The following RFX8 variants were observed in gnomAD, a reference collection of about 807,000 sequenced individuals.
RFX8 encodes DNA-binding protein RFX8.
In RFX8, 46 loss-of-function variants were observed where a neutral mutation model predicts 54.6. The observed-to-expected ratio is 0.84, with a 90% CI of 0.67 to 1.08. RFX8 has a LOEUF of 1.08. Among genes scored for constraint, RFX8 ranks in the 50% least tolerant of loss-of-function variants. The probability of loss-of-function intolerance (pLI) is 0.00; values close to 1 mark genes in which losing one functional copy is unlikely to be tolerated. For synonymous variants in RFX8, 192 were observed against 209.5 expected (o/e 0.92, Z 0.72); for missense variants, 536 against 562.3 (o/e 0.95, Z 0.47).
intron 1 of RFX8, among the ~76,000 whole-genome samples, chr2:101,468,497 C>T (rs1012656948): frequency 2.0e-5 from 3 of 152,048 alleles, no homozygotes; most frequent in East Asian, 1.9e-4. Flanking sequence ...GCCATGTTGG[C>T]CAGGCTGGTC....
At chr2:101,438,169 T>C (rs748666618) in intron 2 of RFX8, among the ~76,000 whole-genome samples, 28 of 151,602 alleles carry the variant, frequency 1.8e-4, no homozygotes, top group Non-Finnish European at 2.6e-4. Context: ...ACTTCAAGCA[T>C]TTATCATTTG....
intron 2 of RFX8, among the ~76,000 whole-genome samples, chr2:101,430,011 G>A (rs1411954170): frequency 6.6e-6 from 1 of 152,214 alleles, no homozygotes; most frequent in Non-Finnish European, 1.5e-5. Context: ...AAACTGGGCA[G>A]AATGCTTGAT....
At chr2:101,402,335 T>A (rs1243550509) in intron 11 of RFX8, 101 bp downstream of exon 11, 1 of 1,051,916 alleles carries the variant, frequency 9.5e-7, no homozygotes, top group African/African-American at 1.6e-5. Context: ...TAGAATCGTT[T>A]ATCATTGTTT....
chr2:101,469,052 A>C (rs1689769996), intron 1 of RFX8, among the ~76,000 whole-genome samples: 1 of 32,204 alleles, frequency 3.1e-5, no homozygotes, highest in Non-Finnish European at 6.6e-5. Flanking sequence ...GTATATATAT[A>C]TACGTATATA....
At chr2:101,407,827 CCA>C (rs1573357086) in intron 9 of RFX8, among the ~76,000 whole-genome samples, 1 of 152,332 alleles carries the variant, frequency 6.6e-6, no homozygotes, top group East Asian at 1.9e-4. Flanking sequence ...CCCGTCACGT[CCA>C]CAGTGTGGCA....
At chr2:101,448,920 A>G (rs1396368200) in intron 2 of RFX8, among the ~76,000 whole-genome samples, 1 of 152,204 alleles carries the variant, frequency 6.6e-6, no homozygotes, top group Non-Finnish European at 1.5e-5. Flanking sequence ...TGCTGGTTGT[A>G]TGGATGGACA....
chr2:101,455,125 C>T (rs7584240), intron 2 of RFX8, among the ~76,000 whole-genome samples: 52,078 of 151,390 alleles, frequency 0.34, 9,618 homozygotes, highest in African/African-American at 0.44. Flanking sequence ...ATTCTGCTGC[C>T]TCAGCTTCCT....
intron 10 of RFX8, 150 bp downstream of exon 10, chr2:101,405,793 G>A: frequency 2.2e-6 from 1 of 462,218 alleles, no homozygotes; most frequent in Non-Finnish European, 3.8e-6. Flanking sequence ...TTACTATCGT[G>A]TTGTATGGTT....
intron 2 of RFX8, chr2:101,450,590 T>G: frequency 7.0e-7 from 1 of 1,435,924 alleles, no homozygotes; most frequent in Non-Finnish European, 9.5e-7. Context: ...TGATAGCTAC[T>G]AACCTGTGAT....
At chr2:101,462,679 TATTATTAATATCC>T (rs1689345332) in intron 2 of RFX8, among the ~76,000 whole-genome samples, 1 of 119,760 alleles carries the variant, frequency 8.4e-6, no homozygotes, top group Non-Finnish European at 1.9e-5. Flanking sequence ...TTAATATTAC[TATTATTAATATCC>T]TCACTTTATA....
chr2:101,448,419 G>C (rs1481074158), intron 2 of RFX8, among the ~76,000 whole-genome samples: 3 of 152,054 alleles, frequency 2.0e-5, no homozygotes, highest in Non-Finnish European at 4.4e-5. Flanking sequence ...CCTAAGCCTG[G>C]ATGTCCTCTG....
chr2:101,440,577 G>C (rs1688043466), intron 2 of RFX8, among the ~76,000 whole-genome samples: 1 of 152,192 alleles, frequency 6.6e-6, no homozygotes, highest in Non-Finnish European at 1.5e-5. Context: ...TCCCTCATGG[G>C]GGAGGGGAGA....
intron 2 of RFX8, among the ~76,000 whole-genome samples, chr2:101,440,398 T>G (rs1688030196): frequency 6.6e-6 from 1 of 152,222 alleles, no homozygotes; most frequent in South Asian, 2.1e-4. Context: ...GAACACCTGC[T>G]TTCCTTTTAG....
chr2:101,435,212 G>A (rs1687711113), intron 2 of RFX8: 1 of 152,354 alleles, frequency 6.6e-6, no homozygotes, highest in Non-Finnish European at 1.5e-5. Flanking sequence ...ACAAAGGCGT[G>A]GAAGAACAAA....
At chr2:101,456,673 CT>C (rs900663339) in intron 2 of RFX8, among the ~76,000 whole-genome samples, 9 of 151,174 alleles carry the variant, frequency 6.0e-5, no homozygotes, top group South Asian at 2.1e-4. Flanking sequence ...CTAAAATTCT[CT>C]TTTTTTTTGT....
At chr2:101,439,026 T>C (rs1687941325) in intron 2 of RFX8, among the ~76,000 whole-genome samples, 1 of 152,198 alleles carries the variant, frequency 6.6e-6, no homozygotes, top group African/African-American at 2.4e-5. Flanking sequence ...TTGGTCAGGC[T>C]GGTCTTGAAC....
chr2:101,447,092 G>A (rs905764004), intron 2 of RFX8, among the ~76,000 whole-genome samples: 1 of 152,122 alleles, frequency 6.6e-6, no homozygotes, highest in African/African-American at 2.4e-5. Flanking sequence ...GGTGGGACAG[G>A]CTTGACTGAA....
At chr2:101,408,223 C>T (rs1385739051) in intron 9 of RFX8, among the ~76,000 whole-genome samples, 1 of 151,940 alleles carries the variant, frequency 6.6e-6, no homozygotes, top group African/African-American at 2.4e-5. Flanking sequence ...CGGTGGCTCA[C>T]GCCTGTAATC....
At chr2:101,402,169 A>G (rs759681141) in intron 11 of RFX8, among the ~76,000 whole-genome samples, 15 of 152,220 alleles carry the variant, frequency 9.9e-5, no homozygotes, top group Non-Finnish European at 1.6e-4. Context: ...GGCCAGGCAC[A>G]CTCTGGGAAG....
Sources: allele counts gnomAD v4.1 joint callset (sites outside exome capture counted in the v4.1 genomes callset), GRCh38; gene constraint gnomAD v4.1.1; transcripts MANE v1.5; gene names NCBI Gene and HGNC (gene_info 2026-07-23, HGNC 2026-07-21).